SPATS2: variants seen among roughly 807,000 people sequenced by gnomAD.
SPATS2 encodes spermatogenesis-associated serine-rich protein 2.
Under a neutral mutation model 63.7 loss-of-function variants are expected in SPATS2, and 38 were observed. That is an observed-to-expected ratio of 0.60 (90% CI 0.46 to 0.78). The LOEUF is 0.78. Among genes scored for constraint, SPATS2 ranks in the 30% least tolerant of loss-of-function variants. The pLI is 0.00. For missense variants in SPATS2, 588 were observed against 666.2 expected (o/e 0.88, Z 1.29); for synonymous variants, 207 against 232.9 (o/e 0.89, Z 1.01).
chr12:49,393,273 T>A lies in SPATS2; in HGVS notation c.-244+21983T>A, dbSNP rs549717676. 4.6e-5 allele frequency among the ~76,000 whole-genome samples: 7 copies of A among 152,312 alleles called. 1 individual carries two copies. Among genetic ancestry groups the A allele is most frequent in the African/African-American group, 1.7e-4 (7 of 41,572 alleles). ...TGTTCTTCCCACTCACTACTTTTCA[T>A]GAGTATTGTCAACATTATCCATCCT... On this transcript the variant is annotated intron_variant, in intron 2 of 13. Transcript: ENST00000552918.
intron 2 of SPATS2, among the ~76,000 whole-genome samples, chr12:49,422,667 A>G (rs955170670): frequency 6.6e-6 from 1 of 152,212 alleles, no homozygotes; most frequent in Non-Finnish European, 1.5e-5. Flanking sequence ...TTGGGAGGCC[A>G]AGATGGGCAG....
chr12:49,440,786 A>G (rs1945404047), intron 2 of SPATS2, among the ~76,000 whole-genome samples: 1 of 152,152 alleles, frequency 6.6e-6, no homozygotes, highest in African/African-American at 2.4e-5. Context: ...TAATAAATAC[A>G]GGCCAGTTGT....
intron 2 of SPATS2, among the ~76,000 whole-genome samples, chr12:49,378,676 G>T (rs927653302): frequency 6.6e-6 from 1 of 151,880 alleles, no homozygotes; most frequent in Non-Finnish European, 1.5e-5. Flanking sequence ...GCTTACTGCA[G>T]CCTCGACCTG....
intron 2 of SPATS2, among the ~76,000 whole-genome samples, chr12:49,458,141 G>C (rs780298859): frequency 6.6e-6 from 1 of 152,016 alleles, no homozygotes; most frequent in Non-Finnish European, 1.5e-5. Flanking sequence ...CAGGTGCCCA[G>C]GTATGAGTTC....
In SPATS2 at chr12:49,467,916, G is replaced by A. The variant is rs557859634; in HGVS notation, c.25+6879G>A. Among the ~76,000 whole-genome samples the A allele has an allele frequency of 2.9e-3, 442 of 151,826 alleles. 3 individuals are homozygous for A. Among genetic ancestry groups the A allele is most frequent in the African/African-American group, 0.01 (420 of 41,422 alleles). ...GCCCGGCTAATTTTTTGTATTTTTAGTAGAGACGGGGTTTCACGGTATTAG... is the reference window on the plus strand; with the variant it reads ...GCCCGGCTAATTTTTTGTATTTTTAATAGAGACGGGGTTTCACGGTATTAG... On this transcript the variant is annotated intron_variant, in intron 3 of 13. Coordinates refer to ENST00000552918, the MANE Select transcript of SPATS2 (RefSeq NM_023071.4).
intron 2 of SPATS2, among the ~76,000 whole-genome samples, chr12:49,434,692 A>T (rs1945242985): frequency 6.6e-6 from 1 of 152,142 alleles, no homozygotes; most frequent in South Asian, 2.1e-4. Context: ...AGTACTAGGG[A>T]TGTGGTCTGT....
chr12:49,469,270 A>T (rs1389157850), intron 3 of SPATS2, among the ~76,000 whole-genome samples: 1 of 150,842 alleles, frequency 6.6e-6, no homozygotes, highest in Non-Finnish European at 1.5e-5. Context: ...GGCGCCTATA[A>T]TCCCAGCTCC....
intron 2 of SPATS2, among the ~76,000 whole-genome samples, chr12:49,379,828 G>A (rs1592341378): frequency 2.0e-5 from 3 of 151,912 alleles, no homozygotes; most frequent in Admixed American, 6.6e-5. Context: ...TCACCATATT[G>A]ATCAGGCTGG....
chr12:49,380,455 C>T (rs763549137), intron 2 of SPATS2, among the ~76,000 whole-genome samples: 6 of 152,084 alleles, frequency 3.9e-5, no homozygotes, highest in Non-Finnish European at 5.9e-5. Flanking sequence ...CCTGTAATCT[C>T]AGCACTTTGG....
At chr12:49,367,293 C>T (rs1046909409), upstream of SPATS2, 4 of 360,112 alleles carry the variant, frequency 1.1e-5, no homozygotes, top group South Asian at 2.8e-4. Flanking sequence ...CTGGCGCGCA[C>T]GCGCCCGAGA....
chr12:49,510,914 A>G (rs1394851512), intron 9 of SPATS2, among the ~76,000 whole-genome samples: 1 of 152,240 alleles, frequency 6.6e-6, no homozygotes, highest in Non-Finnish European at 1.5e-5. Flanking sequence ...CAACTAAATT[A>G]TGCAAAAGCT....
intron 9 of SPATS2, among the ~76,000 whole-genome samples, chr12:49,513,974 G>A (rs1240317904): frequency 3.3e-5 from 5 of 152,120 alleles, no homozygotes; most frequent in Admixed American, 1.3e-4. Context: ...GGCTGACACG[G>A]TGAAACCCCA....
intron 2 of SPATS2, among the ~76,000 whole-genome samples, chr12:49,409,663 C>A (rs143993747): frequency 7.6e-6 from 1 of 130,866 alleles, no homozygotes; most frequent in Non-Finnish European, 1.5e-5. Flanking sequence ...AGTGCTGTGG[C>A]GCAATGTCAG....
At chr12:49,367,355 C>T, upstream of SPATS2, 1 of 390,914 alleles carries the variant, frequency 2.6e-6, no homozygotes. Context: ...GGGTGATCTG[C>T]TGGATCTCCG....
chr12:49,426,058 C>T (rs11611624), intron 2 of SPATS2, among the ~76,000 whole-genome samples: 5 of 152,116 alleles, frequency 3.3e-5, no homozygotes, highest in Admixed American at 2.0e-4. Flanking sequence ...GAAAAGCCTG[C>T]GTGTACGCCA....
chr12:49,392,429 A>T (rs1944433584), intron 2 of SPATS2, among the ~76,000 whole-genome samples: 1 of 152,170 alleles, frequency 6.6e-6, no homozygotes, highest in Non-Finnish European at 1.5e-5. Context: ...TTACTGTGAA[A>T]TATTTCAGGC....
intron 9 of SPATS2, among the ~76,000 whole-genome samples, chr12:49,506,163 C>A (rs758012056): frequency 8.5e-5 from 13 of 152,152 alleles, no homozygotes; most frequent in Non-Finnish European, 1.3e-4. Flanking sequence ...CTAGGCTAAG[C>A]TTTGATGTTC....
At chr12:49,519,835 CAA>C (rs1489507142) in intron 11 of SPATS2, among the ~76,000 whole-genome samples, 1 of 147,822 alleles carries the variant, frequency 6.8e-6, no homozygotes, top group East Asian at 2.0e-4. Context: ...TTTTTTGAGA[CAA>C]AGTCTCGCTC....
At chr12:49,497,172 T>C (rs1307236932) in intron 8 of SPATS2, among the ~76,000 whole-genome samples, 163 bp downstream of exon 8, 1 of 152,204 alleles carries the variant, frequency 6.6e-6, no homozygotes, top group Admixed American at 6.5e-5. Flanking sequence ...CCCTAACCTT[T>C]GTGTACACAG....
Sources: gnomAD v4.1 joint callset for allele counts (sites outside exome capture counted in the v4.1 genomes callset) on GRCh38, gnomAD v4.1.1 for gene constraint, MANE v1.5 for transcripts, NCBI Gene and HGNC (gene_info 2026-07-23, HGNC 2026-07-21) for gene names.